SMYD1: variants seen among roughly 807,000 people sequenced by gnomAD.
SMYD1 encodes the protein histone-lysine N-methyltransferase SMYD1.
In SMYD1, 49 loss-of-function variants were observed where a neutral mutation model predicts 54.0. That is an observed-to-expected ratio of 0.91 (90% CI 0.72 to 1.15). SMYD1 has a LOEUF of 1.15. SMYD1 is among the 50% of genes most tolerant of loss of function. SMYD1 has a pLI of 0.00. For missense variants in SMYD1, 653 were observed against 639.6 expected, an observed-to-expected ratio of 1.02 and a Z score of -0.23; for synonymous variants, 269 against 234.2, an observed-to-expected ratio of 1.15 and a Z score of -1.36.
At chr2:88,107,004 T>A (rs1224852718) in intron 8 of SMYD1, among the ~76,000 whole-genome samples, 1 of 151,972 alleles carries the variant, frequency 6.6e-6, no homozygotes, top group Admixed American at 6.6e-5. Context: ...ATAGAGACCA[T>A]CCCGGCTAAC....
chr2:88,084,104 CTG>C (rs1026756818), intron 1 of SMYD1, among the ~76,000 whole-genome samples: 1 of 151,532 alleles, frequency 6.6e-6, no homozygotes, highest in African/African-American at 2.4e-5. Flanking sequence ...GAGTGAAACT[CTG>C]TCTCAAAAAA....
chr2:88,108,916 G>A (rs945208908), intron 9 of SMYD1, among the ~76,000 whole-genome samples: 3 of 152,098 alleles, frequency 2.0e-5, no homozygotes, highest in African/African-American at 7.2e-5. Flanking sequence ...GAGGTGCCAG[G>A]CTTTTTTCAA....
In SMYD1 at chr2:88,087,856, C is replaced by T; in HGVS notation, c.315-6C>T. 1 of 1,560,662 alleles carries T rather than the reference C, an allele frequency of 6.4e-7. No individual in the cohort carries two copies. The highest frequency in any genetic ancestry group is 8.7e-7 in the Non-Finnish European group (1 of 1,152,542). On this transcript the variant is annotated splice_region_variant and splice_polypyrimidine_tract_variant and intron_variant, in intron 2 of 9. Transcript: ENST00000419482. ...TAGTGGCCTCCTGACGCTGCCCTTCCCACAGGCTGGCGGCGCGCATCATGT... is the reference window on the plus strand; with the variant it reads ...TAGTGGCCTCCTGACGCTGCCCTTCTCACAGGCTGGCGGCGCGCATCATGT...
At chr2:88,069,701 T>C (rs1310346146) in intron 1 of SMYD1, among the ~76,000 whole-genome samples, 1 of 152,192 alleles carries the variant, frequency 6.6e-6, no homozygotes, top group Non-Finnish European at 1.5e-5. Flanking sequence ...TTTAGAAAAT[T>C]TAGAAAGATA....
At chr2:88,077,476 T>TA (rs919646944) in intron 1 of SMYD1, among the ~76,000 whole-genome samples, 1 of 152,132 alleles carries the variant, frequency 6.6e-6, no homozygotes, top group Non-Finnish European at 1.5e-5. Context: ...TGAAGATTTT[T>TA]AAAAAAACGA....
At chr2:88,090,363 C>T (rs1558852555) in intron 3 of SMYD1, among the ~76,000 whole-genome samples, 2 of 152,106 alleles carry the variant, frequency 1.3e-5, no homozygotes, top group African/African-American at 4.8e-5. Flanking sequence ...ACTGTGAGAG[C>T]AGATATTTGG....
intron 1 of SMYD1, among the ~76,000 whole-genome samples, chr2:88,074,000 G>A (rs965517517): frequency 1.3e-5 from 2 of 152,116 alleles, no homozygotes; most frequent in Non-Finnish European, 2.9e-5. Flanking sequence ...ATAAATACTT[G>A]TGGAAAGAAT....
chr2:88,068,606 GTCT>G (rs1453421725), intron 1 of SMYD1, among the ~76,000 whole-genome samples: 2 of 141,466 alleles, frequency 1.4e-5, no homozygotes, highest in Admixed American at 6.9e-5. Context: ...GCTGTAGTCT[GTCT>G]GGTTTTTTTT....
At chr2:88,086,696 A>G (rs760260317) in intron 2 of SMYD1, among the ~76,000 whole-genome samples, 22 of 152,310 alleles carry the variant, frequency 1.4e-4, no homozygotes, top group Non-Finnish European at 2.8e-4. Context: ...AAGAATACCA[A>G]TACTTATGAT....
chr2:88,088,572 A>G (rs1198081228), intron 3 of SMYD1, among the ~76,000 whole-genome samples: 2 of 152,178 alleles, frequency 1.3e-5, no homozygotes, highest in African/African-American at 4.8e-5. Context: ...CTGAATTGGC[A>G]TCCCACATAC....
In SMYD1 at chr2:88,108,431, C is replaced by T. The variant is rs747181609; in HGVS notation, c.1206C>T (p.Thr402=). 6.2e-7 allele frequency: 1 copy of T among 1,612,938 alleles called. No individual in the cohort carries two copies. Among genetic ancestry groups the T allele is most frequent in the South Asian group, 1.1e-5 (1 of 90,742 alleles). ...TGGCCGTGATGCGGGCAGGGCTGAC[C>T]AACTGGCATGCTGGTAACATTGAGG... ...LGMAVMRAGL[T]NWHAGNIEVG... The change falls in exon 9 of 10, where the codon ACC becomes ACT. Residue 402 remains threonine, a synonymous_variant. Transcript: ENST00000419482.
chr2:88,083,187 G>A (rs1223519904), intron 1 of SMYD1: 5 of 152,130 alleles, frequency 3.3e-5, no homozygotes, highest in East Asian at 1.9e-4. Context: ...TGCACATCAC[G>A]GAAATGGTTT....
chr2:88,107,287 T>C (rs755121427), intron 8 of SMYD1, among the ~76,000 whole-genome samples: 22 of 152,204 alleles, frequency 1.4e-4, no homozygotes, highest in Non-Finnish European at 2.1e-4. Context: ...TCATGCAAAT[T>C]TGTGTTTCTG....
chr2:88,106,618 T>C (rs1674877303), intron 8 of SMYD1, 130 bp downstream of exon 8: 1 of 963,538 alleles, frequency 1.0e-6, no homozygotes, highest in South Asian at 1.7e-5. Flanking sequence ...TCCATCATGG[T>C]TCTCTTTTTG....
At position 88,093,533 on chromosome 2, in the gene SMYD1, T is replaced by A. The variant is rs749191090; in HGVS notation, c.676T>A (p.Ser226Thr). ...GTCTTTCAGTCATGAGGCAGTGAAA[T>A]CCATGTTTCATACCCAGATGAGGTG... ...FNNGNHEAVK[S>T]MFHTQMRIEL... Residue 226 changes from serine (S) to threonine (T), a missense_variant, in exon 5 of 10, where the codon TCC becomes ACC. Transcript: ENST00000419482. 1.2e-6 allele frequency: 2 copies of A among 1,614,184 alleles called. No individual in the cohort carries two copies. Among genetic ancestry groups the A allele is most frequent in the Non-Finnish European group, 8.5e-7 (1 of 1,180,024 alleles).
Position 88,080,542 on chromosome 2 carries a change from G to A in SMYD1, c.138-3774G>A, listed in dbSNP as rs1992435. ...GACAGGCATGGAGTTACAAGTGGCA[G>A]GTTACAAGGGACAGACAGCATGATT... On this transcript the variant is annotated intron_variant, in intron 1 of 9. Transcript: ENST00000419482. Among the ~76,000 whole-genome samples, 832 of 152,268 alleles carry A rather than the reference G, an allele frequency of 5.5e-3. 46 individuals carry two copies. Among genetic ancestry groups the A allele is most frequent in the Admixed American group, 0.045 (690 of 15,292 alleles).
At position 88,110,701 on chromosome 2, in the gene SMYD1, C is replaced by G. The variant is rs1258134851; in HGVS notation, c.*189C>G. 6 of 620,370 alleles carry G rather than the reference C, an allele frequency of 9.7e-6. No individual in the cohort carries two copies. Among genetic ancestry groups the G allele is most frequent in the African/African-American group, 1.9e-5 (1 of 53,316 alleles). The allele number at this position is 620,370 out of a possible 1,614,324, so 38.4% of individuals were successfully genotyped here. A position where few individuals can be genotyped will look rare whatever the true frequency, so the allele number is the denominator to read the frequency against. ...TTCAAGTCTATTCAATTCAAGTTAA[C>G]TCTAGCCCAGCCCAGATCAACTCCT... On this transcript the variant is annotated 3_prime_UTR_variant, in exon 10 of 10. Coordinates refer to ENST00000419482, the MANE Select transcript of SMYD1 (RefSeq NM_198274.4).
intron 7 of SMYD1, 64 bp downstream of exon 7, chr2:88,103,214 G>A (rs1674766407): frequency 7.0e-7 from 1 of 1,428,304 alleles, no homozygotes; most frequent in Non-Finnish European, 9.8e-7. Flanking sequence ...CTCCAGTAAG[G>A]GAGGGAAGTG....
In SMYD1 at chr2:88,111,475, A is replaced by G. The variant is rs1441641; in HGVS notation, c.*963A>G. 0.27 allele frequency: 40,582 copies of G among 152,238 alleles called. 6,808 individuals are homozygous for G. The highest frequency in any genetic ancestry group is 0.52 in the East Asian group (2,671 of 5,172). The allele number at this position is 152,238 out of a possible 1,614,324, so 9.4% of individuals were successfully genotyped here. ...GCCCTTGGGGGCTTTATTTGGTTAC[A>G]TGTGCCTGGGTGGTCTTTACCAGCT... On this transcript the variant is annotated 3_prime_UTR_variant, in exon 10 of 10. Transcript: ENST00000419482.
Sources: gnomAD v4.1 joint callset for allele counts (sites outside exome capture counted in the v4.1 genomes callset) on GRCh38, gnomAD v4.1.1 for gene constraint, MANE v1.5 for transcripts, NCBI Gene and HGNC (gene_info 2026-07-23, HGNC 2026-07-21) for gene names.